CADM2: variants seen among roughly 807,000 people sequenced by gnomAD.
The protein encoded by CADM2 is immunoglobulin superfamily member 4D.
CADM2 carries 12 observed loss-of-function variants against 49.8 expected under a neutral mutation model. The observed-to-expected ratio is 0.24, with a 90% CI of 0.15 to 0.39. The LOEUF (loss-of-function observed/expected upper bound fraction) is 0.39. CADM2 is among the 10% of genes least tolerant of loss of function. The probability of loss-of-function intolerance (pLI) is 1.00; values close to 1 mark genes in which losing one functional copy is unlikely to be tolerated. For synonymous variants in CADM2, 214 were observed against 175.4 expected (o/e 1.22, Z -1.74); for missense variants, 378 against 492.3 (o/e 0.77, Z 2.20).
In CADM2 at chr3:85,987,490, T is replaced by C. The variant is rs183540620; in HGVS notation, c.970+25843T>C. ...CAAGATTTAATATAATCTAACAGTA[T>C]ATATGTTTTCTGAAAAACAATCCCT... On this transcript the variant is annotated intron_variant, in intron 8 of 9. Coordinates refer to ENST00000383699, the MANE Select transcript of CADM2 (RefSeq NM_001167675.2). Among the ~76,000 whole-genome samples, 322 of 150,790 alleles carry C rather than the reference T, an allele frequency of 2.1e-3. 1 individual carries two copies. Among genetic ancestry groups the C allele is most frequent in the African/African-American group, 7.6e-3 (314 of 41,356 alleles).
At chr3:85,686,011 T>A (rs2066203597) in intron 1 of CADM2, among the ~76,000 whole-genome samples, 2 of 152,232 alleles carry the variant, frequency 1.3e-5, no homozygotes, top group Admixed American at 1.3e-4. Flanking sequence ...GAGTGTATTA[T>A]AAATTCAATG....
intron 8 of CADM2, among the ~76,000 whole-genome samples, chr3:86,063,045 A>C (rs1454334965): frequency 1.3e-5 from 2 of 152,196 alleles, no homozygotes; most frequent in African/African-American, 4.8e-5. Flanking sequence ...GTTTGTTATC[A>C]GCTAGAAATC....
At position 85,722,025 on chromosome 3, in the gene CADM2, G is replaced by A. The variant is rs552923314; in HGVS notation, c.62-4497G>A. Reference sequence around the variant, plus strand: ...GTCTACGGGCAGGTTGTCACATAGAGTGTTCACCTCTCAGCAAGGAAGAGG... The same window carrying A: ...GTCTACGGGCAGGTTGTCACATAGAATGTTCACCTCTCAGCAAGGAAGAGG... On this transcript the variant is annotated intron_variant, in intron 1 of 9. Coordinates refer to ENST00000383699, the MANE Select transcript of CADM2 (RefSeq NM_001167675.2). Among the ~76,000 whole-genome samples the A allele has an allele frequency of 4.5e-4, 69 of 152,082 alleles. 2 individuals are homozygous for A. The highest frequency in any genetic ancestry group is 3.7e-3 in the Admixed American group (57 of 15,272).
intron 1 of CADM2, among the ~76,000 whole-genome samples, chr3:85,033,862 G>A (rs774997576): frequency 2.0e-5 from 3 of 152,056 alleles, no homozygotes; most frequent in African/African-American, 7.2e-5. Context: ...GTGCCACAGG[G>A]TAGTTTTGAA....
At chr3:85,066,863 A>G (rs1032483022) in intron 1 of CADM2, among the ~76,000 whole-genome samples, 7 of 152,188 alleles carry the variant, frequency 4.6e-5, no homozygotes, top group African/African-American at 1.7e-4. Flanking sequence ...TATATTTTCC[A>G]GACGAAGCCA....
At chr3:85,205,800 T>C (rs960444478) in intron 1 of CADM2, among the ~76,000 whole-genome samples, 12 of 152,272 alleles carry the variant, frequency 7.9e-5, no homozygotes, top group Middle Eastern at 3.4e-3. Flanking sequence ...GGAGGTCAAA[T>C]TAACATCACC....
At chr3:85,850,481 C>G (rs1234889179) in intron 3 of CADM2, among the ~76,000 whole-genome samples, 1 of 151,900 alleles carries the variant, frequency 6.6e-6, no homozygotes. Context: ...CCCGCCACCA[C>G]GCTCGGATAA....
intron 3 of CADM2, among the ~76,000 whole-genome samples, chr3:85,813,395 G>A (rs1056350483): frequency 6.6e-6 from 1 of 151,988 alleles, no homozygotes; most frequent in Non-Finnish European, 1.5e-5. Flanking sequence ...TGATGGGGTT[G>A]TTTGTTTTTT....
chr3:85,743,580 G>A (rs1577209360), intron 2 of CADM2, among the ~76,000 whole-genome samples: 1 of 152,112 alleles, frequency 6.6e-6, no homozygotes, highest in African/African-American at 2.4e-5. Context: ...AACCAGCCTG[G>A]GGCTAATTTA....
chr3:85,931,528 A>G (rs1355438522), intron 6 of CADM2, among the ~76,000 whole-genome samples: 1 of 152,214 alleles, frequency 6.6e-6, no homozygotes, highest in East Asian at 1.9e-4. Context: ...ACTATGCAAG[A>G]CATGGAGGAT....
intron 8 of CADM2, among the ~76,000 whole-genome samples, chr3:86,017,836 CT>C (rs35715091): frequency 0.32 from 47,363 of 145,852 alleles, 8,409 homozygotes; most frequent in Admixed American, 0.4. Flanking sequence ...AAACTTTTTT[CT>C]TTTTTTTTTA....
At chr3:85,401,888 T>C (rs1396996129) in intron 1 of CADM2, among the ~76,000 whole-genome samples, 1 of 152,170 alleles carries the variant, frequency 6.6e-6, no homozygotes, top group Non-Finnish European at 1.5e-5. Flanking sequence ...CACTGCAAGA[T>C]GTTTGCCTGT....
chr3:85,590,075 T>C (rs1244586961), intron 1 of CADM2, among the ~76,000 whole-genome samples: 2 of 152,004 alleles, frequency 1.3e-5, no homozygotes, highest in Non-Finnish European at 2.9e-5. Flanking sequence ...TGGTAATAAA[T>C]ATGCAATGAA....
intron 1 of CADM2, among the ~76,000 whole-genome samples, chr3:85,603,419 G>T (rs1267030635): frequency 6.6e-6 from 1 of 151,790 alleles, no homozygotes; most frequent in African/African-American, 2.4e-5. Context: ...TTCTCAACAA[G>T]TTGTTAGCCT....
In CADM2 at chr3:85,805,233, C is replaced by T. The variant is rs1318621538; in HGVS notation, c.238+3037C>T. Among the ~76,000 whole-genome samples the T allele has an allele frequency of 4.6e-5, 7 of 152,262 alleles. No individual in the cohort carries two copies. In the East Asian group the frequency reaches 1.2e-3, roughly 25 times the overall value. ...TTCTGGGATTACAGGCATGAGCCAC[C>T]GTGCCGGGCCAGGACTGACTTTACT... On this transcript the variant is annotated intron_variant, in intron 3 of 9. Transcript: ENST00000383699.
chr3:85,928,302 G>A (rs368946141), intron 6 of CADM2, among the ~76,000 whole-genome samples: 84 of 152,084 alleles, frequency 5.5e-4, no homozygotes, highest in African/African-American at 1.9e-3. Flanking sequence ...GGGATTACAG[G>A]CGCATGCCAT....
chr3:85,090,919 A>G (rs1331997417), intron 1 of CADM2, among the ~76,000 whole-genome samples: 1 of 152,220 alleles, frequency 6.6e-6, no homozygotes, highest in Non-Finnish European at 1.5e-5. Flanking sequence ...ATCTTCCACG[A>G]AACTGGTTCG....
At chr3:85,086,429 A>C (rs1173487430) in intron 1 of CADM2, among the ~76,000 whole-genome samples, 1 of 151,602 alleles carries the variant, frequency 6.6e-6, no homozygotes, top group Non-Finnish European at 1.5e-5. Context: ...TTTCTAGTGT[A>C]GTATACTAGA....
chr3:85,374,730 A>G (rs2033482925), intron 1 of CADM2, among the ~76,000 whole-genome samples: 1 of 152,152 alleles, frequency 6.6e-6, no homozygotes, highest in Non-Finnish European at 1.5e-5. Flanking sequence ...GGCAGGCAAG[A>G]CAGCATGTGC....
Sources: allele counts gnomAD v4.1 joint callset (sites outside exome capture counted in the v4.1 genomes callset), GRCh38; gene constraint gnomAD v4.1.1; transcripts MANE v1.5; gene names NCBI Gene and HGNC (gene_info 2026-07-23, HGNC 2026-07-21).